SNX19: variants seen among roughly 807,000 people sequenced by gnomAD.
SNX19 encodes the protein sorting nexin-19.
A neutral mutation model predicts 85.2 loss-of-function variants in SNX19; 60 were observed. That is an observed-to-expected ratio of 0.70 (90% CI 0.57 to 0.87). The LOEUF is 0.87. Among genes scored for constraint, SNX19 ranks in the 40% least tolerant of loss-of-function variants. The pLI is 0.00. For missense variants in SNX19, 1,201 were observed against 1,217.8 expected, an observed-to-expected ratio of 0.99 and a Z score of 0.21; for synonymous variants, 520 against 470.0, an observed-to-expected ratio of 1.11 and a Z score of -1.38.
At chr11:130,897,471 G>A (rs980852271) in intron 8 of SNX19, among the ~76,000 whole-genome samples, 1 of 152,116 alleles carries the variant, frequency 6.6e-6, no homozygotes, top group Non-Finnish European at 1.5e-5. Context: ...TTTGACACAG[G>A]TCTGATGCCA....
At chr11:130,890,600 A>G (rs1944425221) in intron 8 of SNX19, among the ~76,000 whole-genome samples, 2 of 152,270 alleles carry the variant, frequency 1.3e-5, no homozygotes, top group South Asian at 4.1e-4. Context: ...TATATTCCTA[A>G]TCAATCATAC....
At chr11:130,898,506 G>T (rs951538011) in intron 8 of SNX19, among the ~76,000 whole-genome samples, 2 of 152,194 alleles carry the variant, frequency 1.3e-5, no homozygotes, top group Non-Finnish European at 1.5e-5. Flanking sequence ...CCCTGCAAAA[G>T]CATATGGCTC....
chr11:130,882,223 T>C (rs915118331), intron 8 of SNX19, among the ~76,000 whole-genome samples: 8 of 152,206 alleles, frequency 5.3e-5, no homozygotes, highest in African/African-American at 1.9e-4. Context: ...CATTTAAGAC[T>C]GACATAGCTG....
At chr11:130,902,629 C>G (rs886684867) in intron 8 of SNX19, among the ~76,000 whole-genome samples, 2 of 152,174 alleles carry the variant, frequency 1.3e-5, no homozygotes, top group African/African-American at 4.8e-5. Flanking sequence ...ACAAAGCTTA[C>G]ATCAGTTCCA....
chr11:130,881,424 G>T (rs1943661683), intron 8 of SNX19, among the ~76,000 whole-genome samples: 1 of 152,198 alleles, frequency 6.6e-6, no homozygotes, highest in East Asian at 1.9e-4. Context: ...GTCTCTGGGT[G>T]AGCCTGCACC....
At chr11:130,889,255 A>T (rs989782949) in intron 8 of SNX19, among the ~76,000 whole-genome samples, 27 of 151,886 alleles carry the variant, frequency 1.8e-4, no homozygotes, top group Admixed American at 1.1e-3. Flanking sequence ...AAATATGTTC[A>T]CCTAGAATCT....
In SNX19 at chr11:130,914,338, A is replaced by T; in HGVS notation, c.1602T>A (p.Arg534=). 1 of 1,613,274 alleles carries T rather than the reference A, an allele frequency of 6.2e-7. No homozygotes were observed. Among genetic ancestry groups the T allele is most frequent in the Non-Finnish European group, 8.5e-7 (1 of 1,179,576 alleles). Residue 534 remains arginine, a synonymous_variant, in exon 1 of 11, where the codon CGT becomes CGA. Coordinates refer to ENST00000265909, the MANE Select transcript of SNX19 (RefSeq NM_014758.3). ...CTCGGGCTGTAATGGTGCCAGTGAT[A>T]CGAAGGTTCTGGATGATAACTGGAC... The part of the protein sequence containing the change: ...PDGPVIIQNL[R]ITGTITAREH...
Position 130,914,787 on chromosome 11 carries a change from T to G in SNX19, c.1153A>C (p.Ile385Leu). 1 of 1,614,236 alleles carries G rather than the reference T, an allele frequency of 6.2e-7. No homozygotes were observed. The highest frequency in any genetic ancestry group is 8.5e-7 in the Non-Finnish European group (1 of 1,180,052). Reference protein sequence around the residue: ...SPLSELGKETIMLMTPGSFLS... With the variant: ...SPLSELGKETLMLMTPGSFLS... ...AAGCTGCCTGGAGTCATGAGCATGA[T>G]GGTTTCTTTGCCCAGTTCAGACAGC... Residue 385 changes from isoleucine (I) to leucine (L), a missense_variant, in exon 1 of 11, where the codon ATC becomes CTC. Physicochemically the swap from Ile to Leu is conservative, Grantham distance 5. This residue lies in a region of SNX19 where 791 missense variants were observed against 750.9 expected (regional missense o/e 1.05). Coordinates refer to ENST00000265909, the MANE Select transcript of SNX19 (RefSeq NM_014758.3).
At position 130,914,899 on chromosome 11, in the gene SNX19, T is replaced by C; in HGVS notation, c.1041A>G (p.Arg347=). ...EGDLGGMCEE[R]KVGNNSSHFL... The stretch of plus-strand genomic sequence containing the variant: ...AATGAGATGAGTTGTTTCCTACTTT[T>C]CTTTCTTCACACATCCCACCCAAAT... The change falls in exon 1 of 11, where the codon AGA becomes AGG. Residue 347 remains arginine, a synonymous_variant. Transcript: ENST00000265909. 1 of 1,614,202 alleles carries C rather than the reference T, an allele frequency of 6.2e-7. No individual in the cohort carries two copies.
At chr11:130,886,762 C>A (rs1461245623) in intron 8 of SNX19, among the ~76,000 whole-genome samples, 1 of 152,210 alleles carries the variant, frequency 6.6e-6, no homozygotes, top group Admixed American at 6.5e-5. Context: ...TGATGCCGTT[C>A]CCAGGCCTCT....
intron 4 of SNX19, 141 bp from the exon 5 acceptor site, chr11:130,908,224 G>T: frequency 1.2e-6 from 1 of 840,486 alleles, no homozygotes; most frequent in Non-Finnish European, 1.7e-6. Flanking sequence ...CCAGTAGGAA[G>T]GTCGAATACC....
intron 8 of SNX19, among the ~76,000 whole-genome samples, chr11:130,883,064 T>C (rs1375701764): frequency 3.3e-5 from 5 of 152,338 alleles, no homozygotes; most frequent in African/African-American, 1.2e-4. Flanking sequence ...AGGACAAGGA[T>C]ATCCTCCTTG....
At chr11:130,888,829 C>T (rs1944283806) in intron 8 of SNX19, among the ~76,000 whole-genome samples, 1 of 152,150 alleles carries the variant, frequency 6.6e-6, no homozygotes. Flanking sequence ...TTTAAATGTA[C>T]AAACTTTAAA....
chr11:130,879,522 T>C, intron 10 of SNX19, 102 bp downstream of exon 10: 1 of 982,894 alleles, frequency 1.0e-6, no homozygotes, highest in Non-Finnish European at 1.6e-6. Context: ...ACTACAATCC[T>C]ATTCTTTGGA....
Position 130,873,997 on chromosome 11 carries a change from T to C in SNX19, c.*4425A>G, listed in dbSNP as rs1311587212. Among the ~76,000 whole-genome samples, 1 of 151,914 alleles carries C rather than the reference T, an allele frequency of 6.6e-6. No individual in the cohort carries two copies. The highest frequency in any genetic ancestry group is 2.4e-5 in the African/African-American group (1 of 41,372). ...AGTGGATTGGCATGAGGTGGGTGGT[T>C]CTAGCCAATGAGTCATAAGAGGTTT... is the stretch of plus-strand genomic sequence containing the variant. On this transcript the variant is annotated 3_prime_UTR_variant, in exon 11 of 11. Transcript: ENST00000265909.
chr11:130,897,723 C>T (rs1944975065), intron 8 of SNX19, among the ~76,000 whole-genome samples: 1 of 152,204 alleles, frequency 6.6e-6, no homozygotes, highest in African/African-American at 2.4e-5. Context: ...TCTTTCCCTC[C>T]AACCCAGTCT....
chr11:130,908,140 A>G, intron 4 of SNX19, 57 bp from the exon 5 acceptor site: 1 of 1,593,028 alleles, frequency 6.3e-7, no homozygotes, highest in Non-Finnish European at 8.6e-7. Flanking sequence ...GGAAACCGCC[A>G]AGCAAGCAGT....
intron 9 of SNX19, 34 bp downstream of exon 9, chr11:130,880,588 T>C: frequency 6.6e-7 from 1 of 1,521,210 alleles, no homozygotes. Flanking sequence ...AAGAGAAATG[T>C]GATTGGTATA....
chr11:130,902,791 C>T (rs181684990), intron 8 of SNX19, among the ~76,000 whole-genome samples: 1 of 152,324 alleles, frequency 6.6e-6, no homozygotes, highest in Non-Finnish European at 1.5e-5. Flanking sequence ...GTAAGTATTT[C>T]AGCTGTGAAT....
Sources: allele counts gnomAD v4.1 joint callset (sites outside exome capture counted in the v4.1 genomes callset), GRCh38; gene constraint gnomAD v4.1.1; regional missense constraint gnomAD v4.1.1; transcripts MANE v1.5; gene names NCBI Gene and HGNC (gene_info 2026-07-23, HGNC 2026-07-21).